The following XPO4 variants were observed in gnomAD, a reference collection of about 807,000 sequenced individuals.
XPO4 encodes the protein exportin-4.
In XPO4, 39 loss-of-function variants were observed where a neutral mutation model predicts 143.0. The ratio of observed to expected loss-of-function variants is 0.27; its 90% CI spans 0.21 to 0.36. XPO4 has a LOEUF of 0.36. Among genes scored for constraint, XPO4 ranks in the 10% least tolerant of loss-of-function variants. The pLI, the probability that XPO4 is intolerant of heterozygous loss-of-function variation, is 1.00. For missense variants in XPO4, 907 were observed against 1,348.0 expected, an observed-to-expected ratio of 0.67 and a Z score of 5.12; for synonymous variants, 439 against 474.0, an observed-to-expected ratio of 0.93 and a Z score of 0.96.
intron 3 of XPO4, among the ~76,000 whole-genome samples, chr13:20,861,777 C>CTCTTTTTTTTTTT (rs1370810623): frequency 1.4e-5 from 1 of 73,442 alleles, no homozygotes; most frequent in African/African-American, 4.8e-5. Context: ...ACATTTCTCT[C>CTCTTTTTTTTTTT]TTTTTTTTTT....
intron 1 of XPO4, among the ~76,000 whole-genome samples, chr13:20,876,093 CAAAAAAAAAA>C (rs11301411): frequency 2.2e-5 from 2 of 90,740 alleles, no homozygotes; most frequent in Non-Finnish European, 4.4e-5. Context: ...CTACTAAATA[CAAAAAAAAAA>C]AAAAAAAAAA....
intron 22 of XPO4, 94 bp downstream of exon 22, chr13:20,786,871 C>T: frequency 5.2e-6 from 5 of 964,724 alleles, no homozygotes; most frequent in Non-Finnish European, 4.5e-6. Context: ...GTCACAGATC[C>T]TATAAGGGGG....
intron 4 of XPO4, among the ~76,000 whole-genome samples, chr13:20,844,805 G>A (rs2060013709): frequency 6.6e-6 from 1 of 152,184 alleles, no homozygotes; most frequent in Non-Finnish European, 1.5e-5. Context: ...AAGGTGAGAG[G>A]TGACTGATGG....
At chr13:20,830,771 A>G (rs1280053370) in intron 6 of XPO4, among the ~76,000 whole-genome samples, 1 of 152,306 alleles carries the variant, frequency 6.6e-6, no homozygotes, top group East Asian at 1.9e-4. Flanking sequence ...TGTACCATGA[A>G]ACTGCTGAAG....
chr13:20,847,862 C>T (rs532899291), intron 4 of XPO4, among the ~76,000 whole-genome samples: 18 of 152,314 alleles, frequency 1.2e-4, no homozygotes, highest in African/African-American at 4.3e-4. Flanking sequence ...AACAATACTT[C>T]ACTTATCTAA....
intron 7 of XPO4, among the ~76,000 whole-genome samples, chr13:20,824,996 G>A (rs765204920): frequency 1.3e-5 from 2 of 152,180 alleles, no homozygotes; most frequent in African/African-American, 2.4e-5. Context: ...GAAGTCCTAC[G>A]TGTCAAAGAG....
At chr13:20,826,353 TC>T (rs1375432656) in intron 7 of XPO4, among the ~76,000 whole-genome samples, 1 of 152,178 alleles carries the variant, frequency 6.6e-6, no homozygotes, top group East Asian at 1.9e-4. Context: ...AAACCTACAC[TC>T]TAGAATAGCA....
intron 7 of XPO4, among the ~76,000 whole-genome samples, chr13:20,826,452 A>T (rs2137984496): frequency 1.3e-5 from 2 of 152,348 alleles, no homozygotes; most frequent in Middle Eastern, 6.8e-3. Flanking sequence ...GCATAATAAT[A>T]TGAAGACAGT....
At chr13:20,848,777 T>C (rs2060053986) in intron 4 of XPO4, 1 of 985,300 alleles carries the variant, frequency 1.0e-6, no homozygotes, top group Non-Finnish European at 1.2e-6. Flanking sequence ...AAATAAATGA[T>C]GTGTTCCCTA....
intron 22 of XPO4, 50 bp downstream of exon 22, chr13:20,786,915 T>C: frequency 6.8e-7 from 1 of 1,474,266 alleles, no homozygotes; most frequent in Non-Finnish European, 9.1e-7. Context: ...CAACAATCTC[T>C]TTGCAAAATA....
chr13:20,830,545 T>C (rs1238872138), intron 6 of XPO4, among the ~76,000 whole-genome samples: 1 of 152,192 alleles, frequency 6.6e-6, no homozygotes, highest in African/African-American at 2.4e-5. Context: ...TACTATATTA[T>C]ACTTTTCATA....
chr13:20,876,851 T>C (rs552234975), intron 1 of XPO4, among the ~76,000 whole-genome samples: 3 of 152,098 alleles, frequency 2.0e-5, no homozygotes, highest in Non-Finnish European at 4.4e-5. Context: ...AGATATATTG[T>C]GAAGAAAGAA....
chr13:20,820,649 A>G (rs2059707084), intron 9 of XPO4, among the ~76,000 whole-genome samples: 1 of 152,166 alleles, frequency 6.6e-6, no homozygotes, highest in Non-Finnish European at 1.5e-5. Flanking sequence ...TCAACTGTAC[A>G]TATCATGCCT....
chr13:20,849,330 C>G (rs1385510646), intron 4 of XPO4: 2 of 985,240 alleles, frequency 2.0e-6, no homozygotes, highest in Non-Finnish European at 2.4e-6. Flanking sequence ...AATTTCTCAC[C>G]CACTTCTCTC....
chr13:20,902,259 C>A (rs1470902617), intron 1 of XPO4: 4 of 985,258 alleles, frequency 4.1e-6, no homozygotes, highest in Non-Finnish European at 4.8e-6. Context: ...GCTGTGCCAT[C>A]CAATCCCTCC....
At chr13:20,839,218 C>T (rs1401200350) in intron 6 of XPO4, among the ~76,000 whole-genome samples, 3 of 152,022 alleles carry the variant, frequency 2.0e-5, no homozygotes, top group African/African-American at 4.8e-5. Flanking sequence ...GAGCCGAGAT[C>T]GCGCCACGGC....
intron 22 of XPO4, among the ~76,000 whole-genome samples, chr13:20,786,298 C>CGT (rs761241079): frequency 0.041 from 3,017 of 73,240 alleles, 67 homozygotes; most frequent in Middle Eastern, 0.13. Context: ...TATATATATA[C>CGT]GTGTGTGTGT....
Position 20,850,355 on chromosome 13 carries a change from G to T in XPO4, c.456+5272C>A, listed in dbSNP as rs1314821593. 7 of 858,124 alleles carry T rather than the reference G, an allele frequency of 8.2e-6. No homozygotes were observed. In the African/African-American group the frequency reaches 1.3e-4, roughly 16 times the overall value. The allele number at this position is 858,124 out of a possible 1,614,324, so 53.2% of individuals were successfully genotyped here. ...GCCTAGAGAAGTTAATTTAAGTTAG[G>T]TTGGCAATAAATGGCAGAGCTGGGA... is the stretch of plus-strand genomic sequence containing the variant. On this transcript the variant is annotated intron_variant, in intron 4 of 22. Transcript: ENST00000255305.
chr13:20,888,849 C>G (rs920669641), intron 1 of XPO4, among the ~76,000 whole-genome samples: 1 of 151,656 alleles, frequency 6.6e-6, no homozygotes, highest in Non-Finnish European at 1.5e-5. Flanking sequence ...GTTGCCCAAG[C>G]TGGAGTGCAA....
Sources: gnomAD v4.1 joint callset for allele counts (sites outside exome capture counted in the v4.1 genomes callset) on GRCh38, gnomAD v4.1.1 for gene constraint, MANE v1.5 for transcripts, NCBI Gene and HGNC (gene_info 2026-07-23, HGNC 2026-07-21) for gene names.